The following NEGR1 variants were observed in gnomAD, a reference collection of about 807,000 sequenced individuals.
NEGR1 encodes the protein neuronal growth regulator 1.
In NEGR1, 10 loss-of-function variants were observed where a neutral mutation model predicts 40.9. That is an observed-to-expected ratio of 0.24 (90% CI 0.15 to 0.42). The LOEUF is 0.42. Among genes scored for constraint, NEGR1 ranks in the 10% least tolerant of loss-of-function variants. The pLI is 1.00. For missense variants in NEGR1, 352 were observed against 438.9 expected, an observed-to-expected ratio of 0.80 and a Z score of 1.77; for synonymous variants, 185 against 166.8, an observed-to-expected ratio of 1.11 and a Z score of -0.84.
At chr1:71,650,933 T>C (rs1325171895) in intron 4 of NEGR1, among the ~76,000 whole-genome samples, 1 of 152,144 alleles carries the variant, frequency 6.6e-6, no homozygotes, top group Non-Finnish European at 1.5e-5. Context: ...CTGAGGGAGA[T>C]ACTAACATTG....
intron 1 of NEGR1, among the ~76,000 whole-genome samples, chr1:72,246,182 TTC>T (rs1335622014): frequency 1.6e-5 from 2 of 123,004 alleles, no homozygotes; most frequent in Admixed American, 7.5e-5. Context: ...TCCAGTCTTT[TTC>T]TCTCTCTTTC....
At chr1:71,984,604 C>A (rs1646379766) in intron 1 of NEGR1, among the ~76,000 whole-genome samples, 1 of 152,166 alleles carries the variant, frequency 6.6e-6, no homozygotes, top group African/African-American at 2.4e-5. Flanking sequence ...ATCTCACTCT[C>A]ATTGAATCAT....
intron 1 of NEGR1, among the ~76,000 whole-genome samples, chr1:72,162,542 G>T (rs1266938314): frequency 6.6e-6 from 1 of 152,032 alleles, no homozygotes; most frequent in Non-Finnish European, 1.5e-5. Flanking sequence ...CCTAAGTTCA[G>T]AGTGACAGTC....
intron 3 of NEGR1, among the ~76,000 whole-genome samples, chr1:71,758,277 T>A (rs1024922086): frequency 1.3e-5 from 2 of 152,106 alleles, no homozygotes; most frequent in South Asian, 4.1e-4. Context: ...GTTATGAGTA[T>A]AAATAATTAT....
chr1:71,979,632 G>T (rs1646337389), intron 1 of NEGR1, among the ~76,000 whole-genome samples: 1 of 152,062 alleles, frequency 6.6e-6, no homozygotes, highest in Non-Finnish European at 1.5e-5. Context: ...AATAAATATG[G>T]ACATGAGAGT....
intron 3 of NEGR1, among the ~76,000 whole-genome samples, chr1:71,774,023 C>T (rs188057669): frequency 5.9e-5 from 9 of 152,138 alleles, no homozygotes; most frequent in Admixed American, 5.9e-4. Flanking sequence ...ATTATATTAC[C>T]ATATCAGATT....
At chr1:72,095,987 CT>C (rs1648682480) in intron 1 of NEGR1, among the ~76,000 whole-genome samples, 1 of 151,824 alleles carries the variant, frequency 6.6e-6, no homozygotes, top group African/African-American at 2.4e-5. Flanking sequence ...TTTTTTTAAG[CT>C]TTGATCCAAA....
chr1:71,593,144 G>A (rs1453137378), intron 5 of NEGR1, among the ~76,000 whole-genome samples, 176 bp from the exon 6 acceptor site: 1 of 152,130 alleles, frequency 6.6e-6, no homozygotes, highest in Non-Finnish European at 1.5e-5. Context: ...TGGGGGAGGT[G>A]AGGTTGCATG....
chr1:71,433,759 G>A (rs1646484643), intron 6 of NEGR1, among the ~76,000 whole-genome samples: 1 of 152,150 alleles, frequency 6.6e-6, no homozygotes, highest in Admixed American at 6.5e-5. Flanking sequence ...AGATTTGGGT[G>A]GGGACACAGA....
At chr1:71,941,362 G>A (rs748788032) in intron 1 of NEGR1, among the ~76,000 whole-genome samples, 53 of 152,058 alleles carry the variant, frequency 3.5e-4, no homozygotes, top group Non-Finnish European at 6.2e-4. Context: ...CTCTCTTCTT[G>A]ATATCTTTCA....
At chr1:71,753,650 T>C (rs1570299867) in intron 3 of NEGR1, among the ~76,000 whole-genome samples, 1 of 152,192 alleles carries the variant, frequency 6.6e-6, no homozygotes, top group Admixed American at 6.5e-5. Flanking sequence ...AATTTTCTAG[T>C]GGTTATACAT....
intron 1 of NEGR1, among the ~76,000 whole-genome samples, chr1:71,982,013 T>TG (rs2100340541): frequency 6.6e-6 from 1 of 152,314 alleles, no homozygotes; most frequent in Non-Finnish European, 1.5e-5. Flanking sequence ...TTTTTGTTTT[T>TG]GTTTTTGCAT....
chr1:71,638,702 A>G (rs1651243298), intron 4 of NEGR1, among the ~76,000 whole-genome samples: 1 of 152,012 alleles, frequency 6.6e-6, no homozygotes. Flanking sequence ...ATTCTAAATC[A>G]TTACTATCTT....
intron 2 of NEGR1, among the ~76,000 whole-genome samples, chr1:71,922,600 GT>G (rs1297550074): frequency 6.6e-6 from 1 of 151,956 alleles, no homozygotes; most frequent in Non-Finnish European, 1.5e-5. Flanking sequence ...GTCTAACTTT[GT>G]TGTCTAAATT....
chr1:71,709,829 C>T (rs1654020744), intron 3 of NEGR1, among the ~76,000 whole-genome samples: 1 of 152,092 alleles, frequency 6.6e-6, no homozygotes, highest in South Asian at 2.1e-4. Flanking sequence ...TTAGCAGTAC[C>T]CTGCAAGCAC....
At chr1:71,717,781 A>C (rs555983706) in intron 3 of NEGR1, among the ~76,000 whole-genome samples, 7 of 152,302 alleles carry the variant, frequency 4.6e-5, no homozygotes, top group Admixed American at 3.9e-4. Flanking sequence ...AGTTAAAATG[A>C]GGTCATTAAG....
At chr1:71,853,771 A>G (rs1381105207) in intron 2 of NEGR1, among the ~76,000 whole-genome samples, 3 of 152,166 alleles carry the variant, frequency 2.0e-5, no homozygotes, top group Non-Finnish European at 4.4e-5. Context: ...AAAGTTTCTG[A>G]CATTTATTTA....
intron 2 of NEGR1, among the ~76,000 whole-genome samples, chr1:71,854,082 T>G (rs1026077499): frequency 6.6e-6 from 1 of 152,154 alleles, no homozygotes; most frequent in Non-Finnish European, 1.5e-5. Context: ...TAATTTAATG[T>G]CATGTATATT....
intron 1 of NEGR1, chr1:72,274,531 T>A: frequency 2.8e-6 from 2 of 703,182 alleles, no homozygotes; most frequent in Non-Finnish European, 2.6e-6. Flanking sequence ...GGTATCCCAA[T>A]GTTTGTTTAA....
Sources: allele counts gnomAD v4.1 joint callset (sites outside exome capture counted in the v4.1 genomes callset), GRCh38; gene constraint gnomAD v4.1.1; transcripts MANE v1.5; gene names NCBI Gene and HGNC (gene_info 2026-07-23, HGNC 2026-07-21).